The following DSE variants were observed in gnomAD, a reference collection of about 807,000 sequenced individuals.
DSE encodes dermatan-sulfate epimerase.
DSE carries 36 observed loss-of-function variants against 84.4 expected under a neutral mutation model. That is an observed-to-expected ratio of 0.43 (90% CI 0.33 to 0.56). The LOEUF (loss-of-function observed/expected upper bound fraction) is 0.56, where lower values mean the gene tolerates loss of function less well. Among genes scored for constraint, DSE ranks in the 20% least tolerant of loss-of-function variants. The probability of loss-of-function intolerance (pLI) is 0.06; values close to 1 mark genes in which losing one functional copy is unlikely to be tolerated. For missense variants in DSE, 862 were observed against 1,169.6 expected, an observed-to-expected ratio of 0.74 and a Z score of 3.84; for synonymous variants, 410 against 430.1, an observed-to-expected ratio of 0.95 and a Z score of 0.58.
intron 2 of DSE, among the ~76,000 whole-genome samples, chr6:116,271,374 CTT>C (rs1028480117): frequency 1.3e-5 from 2 of 152,186 alleles, no homozygotes; most frequent in African/African-American, 4.8e-5. Flanking sequence ...GGAGAACACT[CTT>C]TATGATCCAC....
At chr6:116,273,226 T>C (rs554278019) in intron 2 of DSE, among the ~76,000 whole-genome samples, 2 of 152,336 alleles carry the variant, frequency 1.3e-5, no homozygotes, top group South Asian at 4.1e-4. Context: ...AATTAGTAAC[T>C]TACTTAAATG....
chr6:116,310,264 G>A (rs907589769), intron 2 of DSE, among the ~76,000 whole-genome samples: 1 of 151,988 alleles, frequency 6.6e-6, no homozygotes, highest in Non-Finnish European at 1.5e-5. Flanking sequence ...GTGGAAGGGT[G>A]TGGCCGTGGT....
At chr6:116,409,564 C>T (rs1402289503) in intron 2 of DSE, among the ~76,000 whole-genome samples, 1 of 152,196 alleles carries the variant, frequency 6.6e-6, no homozygotes, top group East Asian at 1.9e-4. Flanking sequence ...CAGGCGTGAG[C>T]CAACACGCCC....
At chr6:116,288,245 T>A (rs536309761) in intron 2 of DSE, 3 of 152,098 alleles carry the variant, frequency 2.0e-5, no homozygotes, top group Non-Finnish European at 4.4e-5. Context: ...ACAAGCCTAT[T>A]ATGAAAATGA....
intron 2 of DSE, among the ~76,000 whole-genome samples, chr6:116,348,244 G>A (rs566671848): frequency 1.3e-5 from 2 of 152,078 alleles, no homozygotes; most frequent in Admixed American, 1.3e-4. Flanking sequence ...TGGCTAACAC[G>A]GTGAAACCCC....
At chr6:116,286,021 T>TA (rs2114658724) in intron 2 of DSE, among the ~76,000 whole-genome samples, 1 of 152,330 alleles carries the variant, frequency 6.6e-6, no homozygotes, top group Non-Finnish European at 1.5e-5. Flanking sequence ...TTTGGTTCCA[T>TA]ATGAACTTTA....
chr6:116,336,376 G>C (rs1741585137), intron 2 of DSE, among the ~76,000 whole-genome samples: 1 of 152,162 alleles, frequency 6.6e-6, no homozygotes, highest in Non-Finnish European at 1.5e-5. Context: ...TTGTGTTAAA[G>C]ATAAGGCAGT....
At chr6:116,316,344 A>G (rs1274835589) in intron 2 of DSE, among the ~76,000 whole-genome samples, 2 of 152,130 alleles carry the variant, frequency 1.3e-5, no homozygotes, top group Admixed American at 6.6e-5. Context: ...AATGTTAAGT[A>G]GGACTGGCCT....
At chr6:116,390,492 G>A (rs575912426) in intron 1 of DSE, among the ~76,000 whole-genome samples, 2 of 152,174 alleles carry the variant, frequency 1.3e-5, no homozygotes, top group African/African-American at 4.8e-5. Context: ...GCACTGCAAA[G>A]CATAACAGGC....
intron 1 of DSE, among the ~76,000 whole-genome samples, chr6:116,373,075 C>A (rs1779703688): frequency 6.9e-6 from 1 of 144,994 alleles, no homozygotes. Flanking sequence ...AAAAAAAGGG[C>A]TGGGTGCGGT....
At chr6:116,341,401 C>G (rs1583049877) in intron 2 of DSE, among the ~76,000 whole-genome samples, 1 of 152,106 alleles carries the variant, frequency 6.6e-6, no homozygotes, top group South Asian at 2.1e-4. Flanking sequence ...GGGTAGATTG[C>G]AAAAATTTTC....
intron 2 of DSE, among the ~76,000 whole-genome samples, chr6:116,409,912 G>T (rs9488923): frequency 1.3e-5 from 2 of 151,892 alleles, no homozygotes; most frequent in Non-Finnish European, 2.9e-5. Flanking sequence ...AGTAGCTGCT[G>T]TACAAAGGCC....
intron 2 of DSE, among the ~76,000 whole-genome samples, chr6:116,297,169 A>G (rs932125026): frequency 6.6e-6 from 1 of 152,108 alleles, no homozygotes; most frequent in Non-Finnish European, 1.5e-5. Context: ...CTGCCAGGCC[A>G]GAATGCTAGG....
At chr6:116,254,938 A>C (rs559890474) in intron 1 of DSE, 3 of 152,462 alleles carry the variant, frequency 2.0e-5, no homozygotes, top group Admixed American at 2.0e-4. Flanking sequence ...AATTCACTGC[A>C]GCACAGGAGC....
chr6:116,265,209 C>G (rs1328879944), intron 2 of DSE, among the ~76,000 whole-genome samples: 1 of 152,048 alleles, frequency 6.6e-6, no homozygotes, highest in Non-Finnish European at 1.5e-5. Flanking sequence ...ACTGTGTGCA[C>G]AGTCATGCTG....
chr6:116,415,945 A>G (rs1003424458), intron 2 of DSE, among the ~76,000 whole-genome samples: 1 of 152,254 alleles, frequency 6.6e-6, no homozygotes, highest in Admixed American at 6.5e-5. Context: ...ACAGTTTTGT[A>G]GAAGTGTAAC....
chr6:116,293,737 A>G (rs1774461702), intron 2 of DSE, among the ~76,000 whole-genome samples: 1 of 152,010 alleles, frequency 6.6e-6, no homozygotes, highest in African/African-American at 2.4e-5. Flanking sequence ...CTTTGGCTGT[A>G]CTAACAATAG....
intron 1 of DSE, chr6:116,258,409 A>C: frequency 1.4e-6 from 1 of 702,064 alleles, no homozygotes. Flanking sequence ...AAGTCATTAT[A>C]ATAACTTAGT....
At chr6:116,255,783 A>G (rs935932094) in intron 1 of DSE, 3 of 152,260 alleles carry the variant, frequency 2.0e-5, no homozygotes, top group Non-Finnish European at 2.9e-5. Flanking sequence ...GAAGCAGGGA[A>G]TACTGAATGA....
Sources: allele counts gnomAD v4.1 joint callset (sites outside exome capture counted in the v4.1 genomes callset), GRCh38; gene constraint gnomAD v4.1.1; transcripts MANE v1.5; gene names NCBI Gene and HGNC (gene_info 2026-07-23, HGNC 2026-07-21).